Variants in ERBB4 observed in about 807,000 individuals in gnomAD.
The protein encoded by ERBB4 is erb-b2 receptor tyrosine kinase 4, also known as receptor tyrosine-protein kinase erbB-4.
A neutral mutation model predicts 158.0 loss-of-function variants in ERBB4; 42 were observed. The ratio of observed to expected loss-of-function variants is 0.27; its 90% CI spans 0.21 to 0.34. The LOEUF is 0.34. Among genes scored for constraint, ERBB4 ranks in the 10% least tolerant of loss-of-function variants. The pLI, the probability that ERBB4 is intolerant of heterozygous loss-of-function variation, is 1.00. For missense variants in ERBB4, 1,333 were observed against 1,624.1 expected, an observed-to-expected ratio of 0.82 and a Z score of 3.08; for synonymous variants, 583 against 558.7, an observed-to-expected ratio of 1.04 and a Z score of -0.61.
chr2:212,053,189 G>A (rs551911315), intron 2 of ERBB4, among the ~76,000 whole-genome samples: 14 of 152,170 alleles, frequency 9.2e-5, no homozygotes, highest in South Asian at 4.2e-4. Context: ...TCAATCAATC[G>A]ATCAAAATAA....
chr2:211,711,237 C>G (rs1266530419), intron 9 of ERBB4, among the ~76,000 whole-genome samples: 1 of 151,994 alleles, frequency 6.6e-6, no homozygotes, highest in Non-Finnish European at 1.5e-5. Context: ...CATATTTATT[C>G]ATAATATGTC....
intron 1 of ERBB4, 150 bp from the exon 2 acceptor site, chr2:212,125,053 C>T (rs1048405611): frequency 9.7e-6 from 8 of 825,906 alleles, no homozygotes; most frequent in Admixed American, 2.2e-5. Flanking sequence ...CATAGACCCA[C>T]GCACTGATGA....
At chr2:211,558,188 A>G (rs1230091754) in intron 20 of ERBB4, among the ~76,000 whole-genome samples, 1 of 152,180 alleles carries the variant, frequency 6.6e-6, no homozygotes, top group African/African-American at 2.4e-5. Context: ...CAGTTTCACC[A>G]GGCTATAAAA....
chr2:211,656,994 C>T (rs557715887), intron 16 of ERBB4, among the ~76,000 whole-genome samples: 1 of 152,008 alleles, frequency 6.6e-6, no homozygotes, highest in Non-Finnish European at 1.5e-5. Context: ...TTTACCTGCA[C>T]AAAATATTTT....
At position 211,382,842 on chromosome 2, in the gene ERBB4, A is replaced by G. The variant is rs1314234296; in HGVS notation, c.*773T>C. The G allele has an allele frequency of 4.3e-6, 1 of 232,678 alleles. No individual in the cohort carries two copies. The highest frequency in any genetic ancestry group is 2.2e-5 in the African/African-American group (1 of 45,338). 14.4% of individuals were successfully genotyped at this position (232,678 alleles called of 1,614,324 possible). A position where few individuals can be genotyped will look rare whatever the true frequency, so the allele number is the denominator to read the frequency against. On this transcript the variant is annotated 3_prime_UTR_variant, in exon 28 of 28. Transcript: ENST00000342788. ...TACTTAAAGTAGTGGCCATTTCACT[A>G]TATTAAAATATTTCTTGCTTAAATT...
intron 25 of ERBB4, among the ~76,000 whole-genome samples, chr2:211,415,300 T>A (rs1374364829): frequency 6.6e-6 from 1 of 151,966 alleles, no homozygotes; most frequent in Admixed American, 6.5e-5. Flanking sequence ...GTATTTTTTT[T>A]AGTAGAGGCG....
At chr2:211,687,045 C>T (rs184362847) in intron 12 of ERBB4, among the ~76,000 whole-genome samples, 42 of 152,042 alleles carry the variant, frequency 2.8e-4, no homozygotes, top group African/African-American at 9.9e-4. Context: ...CCTGTAATCC[C>T]AGCACTTTGG....
At chr2:211,414,085 C>T (rs1192888486) in intron 25 of ERBB4, among the ~76,000 whole-genome samples, 5 of 152,076 alleles carry the variant, frequency 3.3e-5, no homozygotes, top group Admixed American at 2.0e-4. Flanking sequence ...CTTGTGGGGG[C>T]GAGTTGGAGA....
At chr2:211,859,724 A>T (rs1028645198) in intron 3 of ERBB4, among the ~76,000 whole-genome samples, 1 of 152,192 alleles carries the variant, frequency 6.6e-6, no homozygotes, top group Non-Finnish European at 1.5e-5. Flanking sequence ...TCTGCTCATT[A>T]TCTCATATTG....
At chr2:212,319,223 A>G (rs1327208501) in intron 1 of ERBB4, among the ~76,000 whole-genome samples, 1 of 151,626 alleles carries the variant, frequency 6.6e-6, no homozygotes, top group Non-Finnish European at 1.5e-5. Context: ...AAATATGTCT[A>G]ACAGTTTTCA....
At chr2:211,745,810 T>C (rs2074956578) in intron 5 of ERBB4, among the ~76,000 whole-genome samples, 1 of 151,546 alleles carries the variant, frequency 6.6e-6, no homozygotes, top group South Asian at 2.1e-4. Flanking sequence ...GATGAAGTCA[T>C]TTTCCCATGA....
rs1211840752 is a variant in ERBB4, at chr2:211,386,910, G to C, written c.3424C>G (p.Arg1142Gly). 6.8e-6 allele frequency: 11 copies of C among 1,614,100 alleles called. No individual in the cohort carries two copies. The highest frequency in any genetic ancestry group is 9.3e-6 in the Non-Finnish European group (11 of 1,180,000). The change falls in exon 27 of 28, where the codon CGA becomes GGA. Residue 1142 changes from arginine (R) to glycine (G), a missense_variant. This residue lies in a region of ERBB4 where 252 missense variants were observed against 241.3 expected (regional missense o/e 1.04). Coordinates refer to ENST00000342788, the MANE Select transcript of ERBB4 (RefSeq NM_005235.3). ...PTVFAPERSPRGELDEEGYMT... is the reference protein window; with the variant it reads ...PTVFAPERSPGGELDEEGYMT... ...TAACCTTCCTCATCCAGCTCTCCTC[G>C]TGGGCTCCGTTCTGGGGCAAACACG... is the stretch of plus-strand genomic sequence containing the variant.
intron 12 of ERBB4, among the ~76,000 whole-genome samples, chr2:211,681,767 A>G (rs78390891): frequency 0.02 from 2,974 of 152,020 alleles, 92 homozygotes; most frequent in African/African-American, 0.069. Context: ...TTTTCTCCCA[A>G]TTTTAGCCAT....
chr2:211,772,880 T>C (rs1401072003), intron 4 of ERBB4, among the ~76,000 whole-genome samples: 2 of 103,848 alleles, frequency 1.9e-5, no homozygotes, highest in Admixed American at 1.1e-4. Flanking sequence ...CACATATATA[T>C]ATATACACAC....
intron 3 of ERBB4, among the ~76,000 whole-genome samples, chr2:211,830,076 T>C (rs937926098): frequency 2.6e-5 from 4 of 152,124 alleles, no homozygotes; most frequent in Non-Finnish European, 4.4e-5. Context: ...CCTGTACCTA[T>C]CCTAACACTA....
chr2:211,668,529 C>T (rs1416804891), intron 14 of ERBB4, among the ~76,000 whole-genome samples: 1 of 152,042 alleles, frequency 6.6e-6, no homozygotes, highest in Non-Finnish European at 1.5e-5. Context: ...TCTAAACTAC[C>T]TCTGGAGTCA....
At chr2:212,468,160 G>T (rs1574976191) in intron 1 of ERBB4, among the ~76,000 whole-genome samples, 1 of 152,268 alleles carries the variant, frequency 6.6e-6, no homozygotes, top group South Asian at 2.1e-4. Context: ...GAAGGTACTT[G>T]CCTTGTCTCA....
At chr2:211,631,283 G>A (rs939373229) in intron 16 of ERBB4, among the ~76,000 whole-genome samples, 1 of 151,942 alleles carries the variant, frequency 6.6e-6, no homozygotes, top group African/African-American at 2.4e-5. Flanking sequence ...GGAGTATAAG[G>A]GTACCAATAA....
intron 1 of ERBB4, among the ~76,000 whole-genome samples, chr2:212,399,710 C>CAA (rs774502441): frequency 2.8e-5 from 3 of 106,512 alleles, no homozygotes; most frequent in Admixed American, 2.1e-4. Flanking sequence ...ACTAAAAATA[C>CAA]AAAAAAAAAA....
Sources: gnomAD v4.1 joint callset for allele counts (sites outside exome capture counted in the v4.1 genomes callset) on GRCh38, gnomAD v4.1.1 for gene constraint, gnomAD v4.1.1 regional missense constraint, MANE v1.5 for transcripts, NCBI Gene and HGNC (gene_info 2026-07-23, HGNC 2026-07-21) for gene names.